Variants in MLF1 observed in about 807,000 individuals in gnomAD.
MLF1 encodes myelodysplasia-myeloid leukemia factor 1.
In MLF1, 37 loss-of-function variants were observed where a neutral mutation model predicts 38.3. That is an observed-to-expected ratio of 0.96 (90% CI 0.74 to 1.27). The LOEUF (loss-of-function observed/expected upper bound fraction) is 1.27, where lower values mean the gene tolerates loss of function less well. MLF1 is among the 50% of genes most tolerant of loss of function. The pLI, the probability that MLF1 is intolerant of heterozygous loss-of-function variation, is 0.00. For synonymous variants in MLF1, 95 were observed against 106.5 expected (o/e 0.89, Z 0.66); for missense variants, 331 against 349.2 (o/e 0.95, Z 0.42).
intron 1 of MLF1, chr3:158,590,930 G>C (rs566926990): frequency 2.7e-5 from 11 of 407,456 alleles, no homozygotes; most frequent in Non-Finnish European, 4.8e-5. Flanking sequence ...CACAAATCCA[G>C]TTAAGCAGTT....
At chr3:158,578,413 T>C (rs1715798453) in intron 1 of MLF1, among the ~76,000 whole-genome samples, 1 of 134,826 alleles carries the variant, frequency 7.4e-6, no homozygotes, top group South Asian at 2.5e-4. Flanking sequence ...ACATATGTAT[T>C]TGAGAGAGTT....
intron 1 of MLF1, among the ~76,000 whole-genome samples, chr3:158,576,007 A>G (rs1715363262): frequency 6.6e-6 from 1 of 152,200 alleles, no homozygotes; most frequent in South Asian, 2.1e-4. Context: ...CTGTGGTTAA[A>G]TTGTTAATTG....
chr3:158,587,889 T>C (rs571106631), intron 1 of MLF1, among the ~76,000 whole-genome samples: 24 of 152,322 alleles, frequency 1.6e-4, no homozygotes, highest in African/African-American at 5.8e-4. Flanking sequence ...TAGTCCCAGC[T>C]GCTGGGGAGG....
chr3:158,592,380 T>C, intron 1 of MLF1, 54 bp from the exon 2 acceptor site: 1 of 1,492,978 alleles, frequency 6.7e-7, no homozygotes, highest in Non-Finnish European at 9.0e-7. Context: ...ACCTGCCTAC[T>C]TACTATTTAA....
In MLF1 at chr3:158,594,049, A is replaced by T. The variant is rs534695222; in HGVS notation, c.240+623A>T. ...AGTCTCATGAAAACGGTTTTTTTTT[A>T]ATTATTTTGTGCTACAATTGAATCA... is the stretch of plus-strand genomic sequence containing the variant. On this transcript the variant is annotated intron_variant, in intron 3 of 7. Transcript: ENST00000466246. Among the ~76,000 whole-genome samples, 5 of 151,448 alleles carry T rather than the reference A, an allele frequency of 3.3e-5. No individual in the cohort carries two copies. In the South Asian group the frequency reaches 8.3e-4, roughly 25 times the overall value.
chr3:158,588,760 G>T (rs1358504385), intron 1 of MLF1: 1 of 384,144 alleles, frequency 2.6e-6, no homozygotes, highest in Non-Finnish European at 5.1e-6. Context: ...ATAGATATTC[G>T]CAAAATTTTG....
At chr3:158,584,964 G>T (rs1372207177) in intron 1 of MLF1, among the ~76,000 whole-genome samples, 1 of 149,310 alleles carries the variant, frequency 6.7e-6, no homozygotes, top group Non-Finnish European at 1.5e-5. Context: ...TTTGAGCCTG[G>T]GTGTTTAAGG....
At chr3:158,583,126 C>G (rs774570795) in intron 1 of MLF1, among the ~76,000 whole-genome samples, 3 of 152,130 alleles carry the variant, frequency 2.0e-5, no homozygotes, top group Non-Finnish European at 4.4e-5. Flanking sequence ...ATGTTCTTTT[C>G]TCCTTTGTGT....
intron 3 of MLF1, among the ~76,000 whole-genome samples, chr3:158,596,434 C>T (rs1397648139): frequency 6.6e-6 from 1 of 152,082 alleles, no homozygotes; most frequent in African/African-American, 2.4e-5. Context: ...GTGACACTGG[C>T]ATCTTATACG....
chr3:158,594,424 T>A (rs1202496644), intron 3 of MLF1, among the ~76,000 whole-genome samples: 1 of 151,966 alleles, frequency 6.6e-6, no homozygotes, highest in East Asian at 1.9e-4. Flanking sequence ...AGTTGAACAG[T>A]AGATACTGAT....
At chr3:158,577,381 CT>C (rs375873161) in intron 1 of MLF1, among the ~76,000 whole-genome samples, 1 of 151,300 alleles carries the variant, frequency 6.6e-6, no homozygotes, top group South Asian at 2.1e-4. Flanking sequence ...GGTAGAGTCT[CT>C]GCCAAATTGT....
intron 3 of MLF1, among the ~76,000 whole-genome samples, chr3:158,594,653 G>C (rs1718637160): frequency 6.6e-6 from 1 of 152,164 alleles, no homozygotes; most frequent in South Asian, 2.1e-4. Flanking sequence ...GGTAATGTCT[G>C]TGGTGATAAA....
intron 1 of MLF1, 55 bp from the exon 2 acceptor site, chr3:158,592,379 C>T: frequency 6.8e-7 from 1 of 1,478,476 alleles, no homozygotes; most frequent in Non-Finnish European, 9.1e-7. Context: ...TACCTGCCTA[C>T]TTACTATTTA....
intron 4 of MLF1, 75 bp downstream of exon 4, chr3:158,597,020 AC>A: frequency 1.1e-6 from 1 of 923,906 alleles, no homozygotes; most frequent in Non-Finnish European, 1.7e-6. Flanking sequence ...GCTTTCAAAC[AC>A]TTTTTTAACC....
intron 1 of MLF1, among the ~76,000 whole-genome samples, chr3:158,587,996 G>A (rs1223007917): frequency 1.3e-5 from 2 of 152,076 alleles, no homozygotes; most frequent in Non-Finnish European, 1.5e-5. Flanking sequence ...GTAAGACTCC[G>A]TCTCAAAAAT....
At position 158,582,537 on chromosome 3, in the gene MLF1, G is replaced by C. The variant is rs1004641767; in HGVS notation, c.48-9897G>C. 4 of 235,454 alleles carry C rather than the reference G, an allele frequency of 1.7e-5. No homozygotes were observed. The East Asian group carries it at 2.7e-4, about 16-fold the overall frequency. 14.6% of individuals were successfully genotyped at this position (235,454 alleles called of 1,614,324 possible). ...AAATGCAAAAAAAAATTAAACCTAGGTGTGTCGTATTTAAACTGTAGAAAA... is the reference window on the plus strand; with the variant it reads ...AAATGCAAAAAAAAATTAAACCTAGCTGTGTCGTATTTAAACTGTAGAAAA... On this transcript the variant is annotated intron_variant, in intron 1 of 7. Transcript: ENST00000466246.
intron 1 of MLF1, among the ~76,000 whole-genome samples, chr3:158,580,726 C>T (rs1435435313): frequency 1.3e-5 from 2 of 150,146 alleles, no homozygotes; most frequent in African/African-American, 4.9e-5. Context: ...GATGCTGAAA[C>T]GGGCAGAGCC....
intron 3 of MLF1, 89 bp from the exon 4 acceptor site, chr3:158,596,772 GA>G: frequency 3.8e-5 from 28 of 731,816 alleles, no homozygotes; most frequent in Non-Finnish European, 5.1e-5. Flanking sequence ...AAATGAATTG[GA>G]AAAAAATGTT....
At chr3:158,583,192 T>G (rs1716687408) in intron 1 of MLF1, among the ~76,000 whole-genome samples, 1 of 152,170 alleles carries the variant, frequency 6.6e-6, no homozygotes, top group South Asian at 2.1e-4. Flanking sequence ...GAATTTAATT[T>G]GCAGTCACTC....
Sources: gnomAD v4.1 joint callset for allele counts (sites outside exome capture counted in the v4.1 genomes callset) on GRCh38, gnomAD v4.1.1 for gene constraint, MANE v1.5 for transcripts, NCBI Gene and HGNC (gene_info 2026-07-23, HGNC 2026-07-21) for gene names.